Variants in PHYHIPL observed in about 807,000 individuals in gnomAD.
PHYHIPL encodes the protein phytanoyl-CoA 2-hydroxylase interacting protein like.
A neutral mutation model predicts 33.4 loss-of-function variants in PHYHIPL; 9 were observed. The ratio of observed to expected loss-of-function variants is 0.27; its 90% CI spans 0.16 to 0.47. PHYHIPL has a LOEUF of 0.47. Ranked by LOEUF, PHYHIPL falls within the 20% of genes least tolerant of loss-of-function variation. The probability of loss-of-function intolerance (pLI) is 0.99; values close to 1 mark genes in which losing one functional copy is unlikely to be tolerated. For missense variants in PHYHIPL, 365 were observed against 460.7 expected (o/e 0.79, Z 1.90); for synonymous variants, 153 against 154.1 (o/e 0.99, Z 0.05).
rs1457765692 is a variant in PHYHIPL at position 59,176,703 on chromosome 10, C to T, written c.-151C>T. The T allele has an allele frequency of 3.0e-6, 2 of 677,272 alleles. No individual in the cohort carries two copies. Among genetic ancestry groups the T allele is most frequent in the African/African-American group, 3.7e-5 (2 of 54,022 alleles). 42.0% of individuals were successfully genotyped at this position (677,272 alleles called of 1,614,324 possible). A position where few individuals can be genotyped will look rare whatever the true frequency, so the allele number is the denominator to read the frequency against. Reference sequence around the variant, plus strand: ...GTCGCCTTCGCGGCGGCTCTCCAGCCCCGCGCCTCAGCCTCGGCGCCGCAT... The same window carrying T: ...GTCGCCTTCGCGGCGGCTCTCCAGCTCCGCGCCTCAGCCTCGGCGCCGCAT... On this transcript the variant is annotated 5_prime_UTR_variant, in exon 1 of 5. Transcript: ENST00000373880.
intron 1 of PHYHIPL, among the ~76,000 whole-genome samples, chr10:59,193,068 T>A (rs1838822835): frequency 6.6e-6 from 1 of 152,176 alleles, no homozygotes. Context: ...TTCCTTCATC[T>A]TCCAGTCAGT....
intron 1 of PHYHIPL, among the ~76,000 whole-genome samples, chr10:59,221,045 CTTT>C: frequency 6.6e-6 from 1 of 151,948 alleles, no homozygotes; most frequent in Middle Eastern, 3.4e-3. Context: ...ACTAAGAAAC[CTTT>C]TATGCCTTGA....
intron 1 of PHYHIPL, among the ~76,000 whole-genome samples, chr10:59,198,094 T>A (rs1038680283): frequency 2.6e-5 from 4 of 152,192 alleles, no homozygotes; most frequent in Admixed American, 2.6e-4. Flanking sequence ...AGGGTACACG[T>A]GCACAACGTG....
chr10:59,195,783 T>G (rs955157527), intron 1 of PHYHIPL, among the ~76,000 whole-genome samples: 1 of 152,170 alleles, frequency 6.6e-6, no homozygotes, highest in South Asian at 2.1e-4. Context: ...TTTTTACATA[T>G]GTAAAGACTT....
chr10:59,205,056 T>C (rs1217841148), intron 1 of PHYHIPL, among the ~76,000 whole-genome samples: 2 of 152,132 alleles, frequency 1.3e-5, no homozygotes, highest in African/African-American at 2.4e-5. Flanking sequence ...GGTTTTGCCA[T>C]GTTGGCCAGG....
intron 1 of PHYHIPL, among the ~76,000 whole-genome samples, chr10:59,186,996 C>T (rs940585394): frequency 2.6e-5 from 4 of 152,122 alleles, no homozygotes; most frequent in African/African-American, 7.2e-5. Context: ...ACTTCCAACA[C>T]TATGTTGAAT....
chr10:59,245,603 C>G lies in PHYHIPL; in HGVS notation c.*12C>G. The G allele has an allele frequency of 6.4e-7, 1 of 1,568,862 alleles. No homozygotes were observed. The highest frequency in any genetic ancestry group is 8.6e-7 in the Non-Finnish European group (1 of 1,161,050). On this transcript the variant is annotated 3_prime_UTR_variant, in exon 5 of 5. Coordinates refer to ENST00000373880, the MANE Select transcript of PHYHIPL (RefSeq NM_032439.4). The stretch of plus-strand genomic sequence containing the variant: ...GTGTTGGACGTTAATGCCCACTTTT[C>G]TTATTCTTACTCAGCCCCTTTTCCT...
At chr10:59,184,950 T>C (rs1165756097) in intron 1 of PHYHIPL, among the ~76,000 whole-genome samples, 1 of 151,670 alleles carries the variant, frequency 6.6e-6, no homozygotes, top group Non-Finnish European at 1.5e-5. Context: ...GTTTCAAGCT[T>C]CATCCATGTG....
chr10:59,174,580 G>C (rs1348190960), upstream of PHYHIPL, among the ~76,000 whole-genome samples: 1 of 152,124 alleles, frequency 6.6e-6, no homozygotes, highest in Non-Finnish European at 1.5e-5. Flanking sequence ...TCAGCAGAAA[G>C]GTGCCTTGGA....
intron 1 of PHYHIPL, among the ~76,000 whole-genome samples, chr10:59,184,065 G>A (rs1838495997): frequency 6.6e-6 from 1 of 152,134 alleles, no homozygotes; most frequent in Admixed American, 6.5e-5. Flanking sequence ...CAAGAATTAT[G>A]TAACTTTTGA....
chr10:59,246,457 A>G lies in PHYHIPL; in HGVS notation c.*866A>G, dbSNP rs1589310819. ...CCCATCCAAACTATAAGAGAATGTG[A>G]ATTTCTTCAACATCATACTTAAACA... is the stretch of plus-strand genomic sequence containing the variant. On this transcript the variant is annotated 3_prime_UTR_variant, in exon 5 of 5. Coordinates refer to ENST00000373880, the MANE Select transcript of PHYHIPL (RefSeq NM_032439.4). 2.6e-6 allele frequency: 1 copy of G among 380,254 alleles called. No individual in the cohort carries two copies. The allele number at this position is 380,254 out of a possible 1,614,324, so 23.6% of individuals were successfully genotyped here.
chr10:59,191,232 G>A (rs530009931), intron 1 of PHYHIPL, among the ~76,000 whole-genome samples: 18 of 152,006 alleles, frequency 1.2e-4, no homozygotes, highest in South Asian at 8.3e-4. Flanking sequence ...AGTTAAATTG[G>A]AAAGATCTTA....
At chr10:59,210,415 G>A (rs1205486832) in intron 1 of PHYHIPL, among the ~76,000 whole-genome samples, 2 of 152,196 alleles carry the variant, frequency 1.3e-5, no homozygotes, top group African/African-American at 4.8e-5. Flanking sequence ...TCATTAAAAA[G>A]TCAGGAAACA....
At chr10:59,176,304 G>C (rs1430000462), upstream of PHYHIPL, among the ~76,000 whole-genome samples, 1 of 152,164 alleles carries the variant, frequency 6.6e-6, no homozygotes, top group Non-Finnish European at 1.5e-5. Flanking sequence ...GGGCCAACTC[G>C]GGCTTCGCCA....
At chr10:59,219,681 T>C (rs984699794) in intron 1 of PHYHIPL, among the ~76,000 whole-genome samples, 1 of 152,112 alleles carries the variant, frequency 6.6e-6, no homozygotes, top group Non-Finnish European at 1.5e-5. Flanking sequence ...TGCTTGTAGA[T>C]GGAAAAATTT....
chr10:59,184,267 C>T (rs1035090437), intron 1 of PHYHIPL, among the ~76,000 whole-genome samples: 1 of 152,168 alleles, frequency 6.6e-6, no homozygotes, highest in African/African-American at 2.4e-5. Context: ...TGGCTACTTT[C>T]TTGCTACAAC....
chr10:59,199,829 A>G (rs1027796479), intron 1 of PHYHIPL, among the ~76,000 whole-genome samples: 3 of 151,998 alleles, frequency 2.0e-5, no homozygotes, highest in African/African-American at 4.8e-5. Flanking sequence ...TTGTGAATGG[A>G]ATTTCACTCA....
intron 1 of PHYHIPL, among the ~76,000 whole-genome samples, chr10:59,208,364 A>G (rs1356102565): frequency 1.3e-5 from 2 of 152,208 alleles, no homozygotes; most frequent in Non-Finnish European, 2.9e-5. Flanking sequence ...AACAAACAGA[A>G]AGGAATAGCG....
At chr10:59,227,367 A>C (rs147232700) in intron 1 of PHYHIPL, among the ~76,000 whole-genome samples, 1 of 152,192 alleles carries the variant, frequency 6.6e-6, no homozygotes, top group East Asian at 1.9e-4. Context: ...TCTTTCTCTG[A>C]AACTAGTCCG....
Sources: allele counts gnomAD v4.1 joint callset (sites outside exome capture counted in the v4.1 genomes callset), GRCh38; gene constraint gnomAD v4.1.1; transcripts MANE v1.5; gene names NCBI Gene and HGNC (gene_info 2026-07-23, HGNC 2026-07-21).